The following PLEKHG1 variants were observed in gnomAD, a reference collection of about 807,000 sequenced individuals.
PLEKHG1 encodes pleckstrin homology domain-containing family G member 1.
In PLEKHG1, 44 loss-of-function variants were observed where a neutral mutation model predicts 100.8. The ratio of observed to expected loss-of-function variants is 0.44; its 90% CI spans 0.34 to 0.56. PLEKHG1 has a LOEUF of 0.56. Among genes scored for constraint, PLEKHG1 ranks in the 20% least tolerant of loss-of-function variants. PLEKHG1 has a pLI of 0.01. For missense variants in PLEKHG1, 1,545 were observed against 1,720.9 expected, an observed-to-expected ratio of 0.90 and a Z score of 1.81; for synonymous variants, 640 against 662.5, an observed-to-expected ratio of 0.97 and a Z score of 0.52.
chr6:150,822,840 C>T (rs1238144213), intron 13 of PLEKHG1, among the ~76,000 whole-genome samples: 1 of 152,100 alleles, frequency 6.6e-6, no homozygotes, highest in Non-Finnish European at 1.5e-5. Context: ...ATTCACCAGG[C>T]ATGGTGGTTT....
chr6:150,801,427 C>CTT (rs1562529984), intron 6 of PLEKHG1, among the ~76,000 whole-genome samples: 2 of 132,950 alleles, frequency 1.5e-5, no homozygotes. Flanking sequence ...ATTCTTTTTT[C>CTT]TTTTCTTTTC....
At chr6:150,794,414 C>T (rs62432670) in intron 4 of PLEKHG1, among the ~76,000 whole-genome samples, 27,677 of 152,050 alleles carry the variant, frequency 0.18, 3,190 homozygotes, top group East Asian at 0.28. Context: ...GCCTATAATC[C>T]CAACACTTTG....
At position 150,809,631 on chromosome 6, in the gene PLEKHG1, A is replaced by C; in HGVS notation, c.1192-17A>C. ...GTGGAATCAAGTTGTCTGACTGTCTACATCTCGTCTTGGCAGGCCAAATCC... is the reference window on the plus strand; with the variant it reads ...GTGGAATCAAGTTGTCTGACTGTCTCCATCTCGTCTTGGCAGGCCAAATCC... On this transcript the variant is annotated splice_polypyrimidine_tract_variant and intron_variant, in intron 9 of 15. Transcript: ENST00000358517. The C allele has an allele frequency of 8.1e-6, 13 of 1,608,660 alleles. No individual in the cohort carries two copies. Among genetic ancestry groups the C allele is most frequent in the Non-Finnish European group, 1.0e-5 (12 of 1,175,130 alleles).
Position 150,818,308 on chromosome 6 carries a change from G to T in PLEKHG1, c.1312+92G>T, listed in dbSNP as rs543943333. On this transcript the variant is annotated intron_variant, in intron 11 of 15. Coordinates refer to ENST00000358517, the Ensembl canonical transcript of PLEKHG1. ...CTTAAAGTTCATGAAAATGTCGATT[G>T]TTAGAAAATAGTATCTCTCTATTCA... The T allele has an allele frequency of 1.2e-5, 12 of 986,938 alleles. No individual in the cohort carries two copies. In the East Asian group the frequency reaches 2.4e-4, roughly 20 times the overall value. 61.1% of individuals were successfully genotyped at this position (986,938 alleles called of 1,614,324 possible).
intron 1 of PLEKHG1, among the ~76,000 whole-genome samples, chr6:150,612,325 G>GTTT (rs1776885172): frequency 6.6e-6 from 1 of 151,708 alleles, no homozygotes; most frequent in Non-Finnish European, 1.5e-5. Context: ...GTGGGGTTTT[G>GTTT]TTTGTTTGTT....
intron 13 of PLEKHG1, among the ~76,000 whole-genome samples, chr6:150,821,575 T>C (rs950147273): frequency 6.6e-6 from 1 of 151,790 alleles, no homozygotes; most frequent in Non-Finnish European, 1.5e-5. Context: ...TCCCAGCTAC[T>C]TGGGAGGCTG....
intron 3 of PLEKHG1, among the ~76,000 whole-genome samples, chr6:150,675,808 T>G (rs1562428685): frequency 6.6e-6 from 1 of 152,098 alleles, no homozygotes; most frequent in African/African-American, 2.4e-5. Context: ...CTTTTCTTAG[T>G]GGGGGGAAAA....
chr6:150,734,025 A>G lies in PLEKHG1; in HGVS notation c.344A>G (p.Asp115Gly). 3 of 1,614,198 alleles carry G rather than the reference A, an allele frequency of 1.9e-6. No homozygotes were observed. The African/African-American group carries it at 4.0e-5, about 22-fold the overall frequency. ...ACGAGCCCCAAGCTCCTCTATGTGG[A>G]TAGAGTTGTTCAGGAAATTCTGGAA... is the stretch of plus-strand genomic sequence containing the variant. Residue 115 changes from aspartate to glycine, a missense_variant, in exon 2 of 16, where the codon GAT becomes GGT. Asp to Gly is a moderately conservative substitution (Grantham distance 94, BLOSUM62 -1). Transcript: ENST00000358517.
At chr6:150,801,271 GA>G (rs533297402) in intron 6 of PLEKHG1, among the ~76,000 whole-genome samples, 287 of 152,284 alleles carry the variant, frequency 1.9e-3, no homozygotes, top group Non-Finnish European at 3.4e-3. Context: ...AGAAGGGGCT[GA>G]AAAGGGAGAA....
intron 14 of PLEKHG1, chr6:150,828,332 C>T: frequency 6.2e-7 from 1 of 1,611,566 alleles, no homozygotes. Context: ...TTGCTCTCCT[C>T]AGTGCGGCGC....
In PLEKHG1 at chr6:150,768,273, A is replaced by T. The variant is rs1250873413; in HGVS notation, c.412-365A>T. ...TCAGAATTTTTATTTCTGGTTTTTC[A>T]CTATATGAATTTTAGAGTATGTTTT... On this transcript the variant is annotated intron_variant, in intron 2 of 15. Coordinates refer to ENST00000358517, the Ensembl canonical transcript of PLEKHG1. 3.3e-5 allele frequency among the ~76,000 whole-genome samples: 5 copies of T among 152,204 alleles called. No homozygotes were observed. The East Asian group carries it at 9.6e-4, about 29-fold the overall frequency.
At chr6:150,791,268 A>T (rs946871937) in intron 4 of PLEKHG1, among the ~76,000 whole-genome samples, 1 of 152,206 alleles carries the variant, frequency 6.6e-6, no homozygotes, top group Admixed American at 6.5e-5. Context: ...CTGGTATAAC[A>T]TGATTTGTTT....
chr6:150,780,789 T>C (rs1033635086), intron 3 of PLEKHG1, among the ~76,000 whole-genome samples: 7 of 152,194 alleles, frequency 4.6e-5, no homozygotes, highest in Non-Finnish European at 7.3e-5. Flanking sequence ...TGGCCGAAGA[T>C]TCATTTGATG....
chr6:150,622,576 A>T (rs73002187), intron 1 of PLEKHG1, among the ~76,000 whole-genome samples: 11,411 of 152,030 alleles, frequency 0.075, 535 homozygotes, highest in Non-Finnish European at 0.1. Flanking sequence ...ATAAGACAAT[A>T]CTCAGATGCC....
chr6:150,660,161 C>T (rs1167136076), intron 3 of PLEKHG1, among the ~76,000 whole-genome samples: 2 of 151,838 alleles, frequency 1.3e-5, no homozygotes, highest in Non-Finnish European at 2.9e-5. Context: ...CTGCCTGCCT[C>T]AGCCTCCCAA....
intron 10 of PLEKHG1, among the ~76,000 whole-genome samples, chr6:150,811,175 G>A (rs565822555): frequency 2.0e-4 from 31 of 152,134 alleles, no homozygotes; most frequent in Non-Finnish European, 3.8e-4. Context: ...ACATAACAGA[G>A]TATAACCCAG....
At chr6:150,653,439 A>G (rs1365874486) in intron 3 of PLEKHG1, among the ~76,000 whole-genome samples, 1 of 149,282 alleles carries the variant, frequency 6.7e-6, no homozygotes, top group Non-Finnish European at 1.5e-5. Flanking sequence ...TTTGAATGCC[A>G]AAAAAAAAAT....
intron 3 of PLEKHG1, among the ~76,000 whole-genome samples, chr6:150,769,436 G>T (rs974663868): frequency 6.6e-5 from 10 of 151,732 alleles, no homozygotes; most frequent in African/African-American, 2.4e-4. Flanking sequence ...ACAAAAATTA[G>T]CCAGGTATGG....
In PLEKHG1 at chr6:150,764,130, T is replaced by TTC. The variant is rs1481701172; in HGVS notation, c.412-4507_412-4506insCT. Among the ~76,000 whole-genome samples, 246 of 151,856 alleles carry TTC rather than the reference T, an allele frequency of 1.6e-3. 2 individuals are homozygous for TTC. The highest frequency in any genetic ancestry group is 5.8e-3 in the African/African-American group (240 of 41,344). On this transcript the variant is annotated intron_variant, in intron 2 of 15. Transcript: ENST00000358517. ...TATTTTCTTTTTCTTTTTCTTTTTT[T>TTC]TTTTAAGACAGAGTTTAGCTCTTGT...
Sources: gnomAD v4.1 joint callset for allele counts (sites outside exome capture counted in the v4.1 genomes callset) on GRCh38, gnomAD v4.1.1 for gene constraint, MANE v1.5 for transcripts, NCBI Gene and HGNC (gene_info 2026-07-23, HGNC 2026-07-21) for gene names.